Variants in FRMD4B observed in about 807,000 individuals in gnomAD.
FRMD4B encodes the protein FERM domain containing 4B.
A neutral mutation model predicts 141.5 loss-of-function variants in FRMD4B; 74 were observed. That is an observed-to-expected ratio of 0.52 (90% CI 0.43 to 0.63). The LOEUF (loss-of-function observed/expected upper bound fraction) is 0.63. Ranked by LOEUF, FRMD4B falls within the 30% of genes least tolerant of loss-of-function variation. FRMD4B has a pLI of 0.00. For synonymous variants in FRMD4B, 506 were observed against 467.9 expected (o/e 1.08, Z -1.05); for missense variants, 1,366 against 1,253.4 (o/e 1.09, Z -1.36).
At chr3:69,421,574 G>T (rs1376366749) in intron 2 of FRMD4B, among the ~76,000 whole-genome samples, 1 of 152,200 alleles carries the variant, frequency 6.6e-6, no homozygotes, top group Non-Finnish European at 1.5e-5. Context: ...CAAGCCTGCA[G>T]AGCAGTTGGC....
chr3:69,517,319 TG>T (rs1700778300), intron 1 of FRMD4B, among the ~76,000 whole-genome samples: 1 of 152,170 alleles, frequency 6.6e-6, no homozygotes, highest in Non-Finnish European at 1.5e-5. Flanking sequence ...TCCTCTGTGA[TG>T]GCTCGCCCAA....
At chr3:69,287,921 A>G in intron 4 of FRMD4B, 85 bp from the exon 5 acceptor site, 1 of 646,152 alleles carries the variant, frequency 1.5e-6, no homozygotes, top group Non-Finnish European at 2.7e-6. Flanking sequence ...AAAGCAGGGC[A>G]AGAATTTTGA....
intron 21 of FRMD4B, among the ~76,000 whole-genome samples, chr3:69,179,424 GA>G (rs2092682250): frequency 6.6e-6 from 1 of 152,190 alleles, no homozygotes; most frequent in Admixed American, 6.5e-5. Flanking sequence ...CTCACATCTT[GA>G]ACTTTAAGAG....
At chr3:69,425,568 C>T (rs1287586661) in intron 2 of FRMD4B, among the ~76,000 whole-genome samples, 1 of 152,210 alleles carries the variant, frequency 6.6e-6, no homozygotes, top group African/African-American at 2.4e-5. Context: ...ACATGCATGT[C>T]TTCTTTTGCC....
Position 69,169,199 on chromosome 3 carries a change from G to A in FRMD4B, c.*2662C>T, listed in dbSNP as rs11128117. On this transcript the variant is annotated 3_prime_UTR_variant, in exon 23 of 23. Coordinates refer to ENST00000398540, the MANE Select transcript of FRMD4B (RefSeq NM_015123.3). ...AACCATGGTATTTTGTAATAAAAAA[G>A]AGGAAACGTACATGTTGAATAATGT... Among the ~76,000 whole-genome samples the A allele has an allele frequency of 6.6e-6, 1 of 152,078 alleles. No homozygotes were observed. The highest frequency in any genetic ancestry group is 6.6e-5 in the Admixed American group (1 of 15,262).
At position 69,183,151 on chromosome 3, in the gene FRMD4B, G is replaced by T. The variant is rs914647501; in HGVS notation, c.1920-434C>A. Among the ~76,000 whole-genome samples the T allele has an allele frequency of 9.2e-5, 14 of 152,248 alleles. No homozygotes were observed. The South Asian group carries it at 1.0e-3, about 11-fold the overall frequency. On this transcript the variant is annotated intron_variant, in intron 19 of 22. Coordinates refer to ENST00000398540, the MANE Select transcript of FRMD4B (RefSeq NM_015123.3). ...TTGTGGGCCAGATGGTCTCTAGAGC[G>T]ACTACTCAGCTCTGCCCTTTCAGTG...
At chr3:69,367,088 A>G (rs1366196360) in intron 1 of FRMD4B, among the ~76,000 whole-genome samples, 1 of 152,120 alleles carries the variant, frequency 6.6e-6, no homozygotes, top group Non-Finnish European at 1.5e-5. Flanking sequence ...TTAAATGGAC[A>G]TACTAGACAA....
intron 1 of FRMD4B, among the ~76,000 whole-genome samples, chr3:69,328,442 G>C (rs1172041693): frequency 6.6e-6 from 1 of 152,170 alleles, no homozygotes; most frequent in Admixed American, 6.5e-5. Context: ...TTGTGTCAGA[G>C]GTGTTTGCAC....
chr3:69,203,276 A>C (rs1404473403), intron 11 of FRMD4B, among the ~76,000 whole-genome samples: 1 of 136,626 alleles, frequency 7.3e-6, no homozygotes, highest in Non-Finnish European at 1.5e-5. Context: ...CCACCCCACT[A>C]TTATAATGGT....
chr3:69,300,631 GA>G (rs1176585672), intron 4 of FRMD4B, among the ~76,000 whole-genome samples: 2 of 152,220 alleles, frequency 1.3e-5, no homozygotes, highest in African/African-American at 4.8e-5. Flanking sequence ...TAGATGTTCT[GA>G]AGACATAACG....
chr3:69,539,742 G>C (rs919410554), intron 1 of FRMD4B, among the ~76,000 whole-genome samples: 2 of 152,150 alleles, frequency 1.3e-5, no homozygotes, highest in African/African-American at 2.4e-5. Flanking sequence ...ACAAAGAAGT[G>C]ATTAAACTTC....
chr3:69,377,055 C>T (rs990932077), intron 1 of FRMD4B: 1 of 151,950 alleles, frequency 6.6e-6, no homozygotes, highest in Non-Finnish European at 1.5e-5. Context: ...TTTCAAAGAA[C>T]CTGGGACTAA....
At chr3:69,250,252 G>T in intron 5 of FRMD4B, 153 bp from the exon 6 acceptor site, 1 of 697,030 alleles carries the variant, frequency 1.4e-6, no homozygotes, top group Non-Finnish European at 2.6e-6. Context: ...GGGGTGTGGA[G>T]AGACTCATTG....
chr3:69,225,163 T>C (rs9840469), intron 7 of FRMD4B, among the ~76,000 whole-genome samples: 80,359 of 151,900 alleles, frequency 0.53, 22,353 homozygotes, highest in Non-Finnish European at 0.61. Flanking sequence ...TGTTACTTCC[T>C]TACAACCCTC....
At chr3:69,213,627 C>A (rs1370892754) in intron 11 of FRMD4B, among the ~76,000 whole-genome samples, 1 of 150,124 alleles carries the variant, frequency 6.7e-6, no homozygotes, top group African/African-American at 2.4e-5. Flanking sequence ...TTGTCCTCTA[C>A]TGCTTGTTGA....
At chr3:69,185,419 T>A (rs1157322612) in intron 19 of FRMD4B, among the ~76,000 whole-genome samples, 3 of 152,306 alleles carry the variant, frequency 2.0e-5, no homozygotes, top group East Asian at 3.9e-4. Flanking sequence ...ATTTTGAGAA[T>A]AATTTCCTTT....
intron 11 of FRMD4B, among the ~76,000 whole-genome samples, chr3:69,203,870 G>A (rs6781739): frequency 0.09 from 13,697 of 152,212 alleles, 636 homozygotes; most frequent in African/African-American, 0.11. Context: ...AGAAACAAAA[G>A]CAAAAACTGC....
At chr3:69,209,039 G>A (rs2093051289) in intron 11 of FRMD4B, among the ~76,000 whole-genome samples, 1 of 151,998 alleles carries the variant, frequency 6.6e-6, no homozygotes, top group South Asian at 2.1e-4. Context: ...AGCTACTCAG[G>A]AGGGTGAGGC....
intron 1 of FRMD4B, among the ~76,000 whole-genome samples, chr3:69,514,033 A>C (rs1446419339): frequency 6.6e-6 from 1 of 152,218 alleles, no homozygotes; most frequent in East Asian, 1.9e-4. Flanking sequence ...TTTTCAACAT[A>C]GTATTGAAAG....
Sources: allele counts gnomAD v4.1 joint callset (sites outside exome capture counted in the v4.1 genomes callset), GRCh38; gene constraint gnomAD v4.1.1; transcripts MANE v1.5; gene names NCBI Gene and HGNC (gene_info 2026-07-23, HGNC 2026-07-21).